The following RFX1 variants were observed in gnomAD, a reference collection of about 807,000 sequenced individuals.
The protein encoded by RFX1 is MHC class II regulatory factor RFX1.
In RFX1, 42 loss-of-function variants were observed where a neutral mutation model predicts 119.6. The ratio of observed to expected loss-of-function variants is 0.35; its 90% CI spans 0.27 to 0.45. The LOEUF is 0.45. RFX1 is among the 20% of genes least tolerant of loss of function. The pLI is 1.00. For missense variants in RFX1, 1,118 were observed against 1,368.1 expected, an observed-to-expected ratio of 0.82 and a Z score of 2.88; for synonymous variants, 628 against 618.5, an observed-to-expected ratio of 1.02 and a Z score of -0.23.
chr19:14,002,799 G>A (rs995897162), intron 1 of RFX1, among the ~76,000 whole-genome samples: 11 of 152,176 alleles, frequency 7.2e-5, no homozygotes, highest in East Asian at 1.9e-4. Flanking sequence ...GCATCTCTGC[G>A]GGCGGGGCAG....
chr19:13,978,358 A>C (rs562156203), intron 7 of RFX1, among the ~76,000 whole-genome samples: 2 of 152,050 alleles, frequency 1.3e-5, no homozygotes, highest in East Asian at 3.9e-4. Context: ...AGGGTCCTGT[A>C]GTGGGCGTGA....
At chr19:13,977,067 C>CG (rs1974273688) in intron 8 of RFX1, among the ~76,000 whole-genome samples, 1 of 151,858 alleles carries the variant, frequency 6.6e-6, no homozygotes, top group Admixed American at 6.6e-5. Context: ...GAGGCTGAGA[C>CG]GGGTGGATCA....
chr19:13,968,948 C>A lies in RFX1; in HGVS notation c.1497-54G>T, dbSNP rs1178698609. ...GGCTGGGGGTCTGCCGGCTGGCCGG[C>A]CATGGAGCACCTCACAGCACACCCG... On this transcript the variant is annotated intron_variant, in intron 10 of 20. Transcript: ENST00000254325. The surrounding 1 kb of genome is among the most constrained non-coding windows in gnomAD (Gnocchi z 5.5). The A allele has an allele frequency of 6.5e-7, 1 of 1,528,102 alleles. No homozygotes were observed. The highest frequency in any genetic ancestry group is 2.5e-5 in the East Asian group (1 of 40,764). 94.7% of individuals were successfully genotyped at this position (1,528,102 alleles called of 1,614,324 possible).
chr19:13,993,770 G>C lies in RFX1; in HGVS notation c.74C>G (p.Ala25Gly). ...TGGTGGCGGTGGCGGCTGGGGCTGG[G>C]CTTGTGGCGGGGCCTGTGGCGGCTG... The part of the protein sequence containing the change: ...PSQPPQAPPQ[A>G]QPQPPPPPPP... Residue 25 changes from alanine (A) to glycine (G), a missense_variant, in exon 2 of 21, where the codon GCC becomes GGC. Coordinates refer to ENST00000254325, the MANE Select transcript of RFX1 (RefSeq NM_002918.5). The C allele has an allele frequency of 6.2e-7, 1 of 1,601,612 alleles. No individual in the cohort carries two copies. The highest frequency in any genetic ancestry group is 8.5e-7 in the Non-Finnish European group (1 of 1,174,762).
At chr19:13,984,597 A>G (rs533830186) in intron 2 of RFX1, among the ~76,000 whole-genome samples, 2 of 152,140 alleles carry the variant, frequency 1.3e-5, no homozygotes, top group South Asian at 4.1e-4. Context: ...CAGCTGGGAC[A>G]CCATCCATCC....
In RFX1 at chr19:13,983,257, T is replaced by G; in HGVS notation, c.443A>C (p.Gln148Pro). 1 of 1,562,034 alleles carries G rather than the reference T, an allele frequency of 6.4e-7. No homozygotes were observed. The highest frequency in any genetic ancestry group is 8.6e-7 in the Non-Finnish European group (1 of 1,158,606). ...VQGTQQRLLV[Q>P]TSVQAKPGHV... ...GCCTGGCTTGGCCTGCACGCTCGTC[T>G]GGACCAGCAGCCGCTGTGGAGACAA... is the stretch of plus-strand genomic sequence containing the variant. Residue 148 changes from glutamine to proline, a missense_variant, in exon 4 of 21, where the codon CAG (glutamine) becomes CCG (proline). This residue lies in a region of RFX1 where 542 missense variants were observed against 602.7 expected (regional missense o/e 0.90). Transcript: ENST00000254325.
intron 2 of RFX1, among the ~76,000 whole-genome samples, chr19:13,991,850 T>TG (rs1427193159): frequency 2.6e-5 from 4 of 152,012 alleles, no homozygotes; most frequent in Admixed American, 1.3e-4. Context: ...TTAGTATAGA[T>TG]GGGGTCTCAC....
intron 1 of RFX1, among the ~76,000 whole-genome samples, chr19:13,999,161 T>C (rs1391840087): frequency 6.6e-6 from 1 of 152,188 alleles, no homozygotes; most frequent in African/African-American, 2.4e-5. Flanking sequence ...AAATCACATA[T>C]ACATACATAG....
intron 2 of RFX1, among the ~76,000 whole-genome samples, chr19:13,991,840 TTAG>T (rs1408831084): frequency 6.6e-6 from 1 of 152,088 alleles, no homozygotes; most frequent in African/African-American, 2.4e-5. Flanking sequence ...TTTTATATTT[TTAG>T]TATAGATGGG....
At position 13,965,835 on chromosome 19, in the gene RFX1, G is replaced by A. The variant is rs113213222; in HGVS notation, c.1962-58C>T. 98 of 1,578,664 alleles carry A rather than the reference G, an allele frequency of 6.2e-5. No homozygotes were observed. The African/African-American group carries it at 1.1e-3, about 18-fold the overall frequency. ...GGTACTCTATGGTCCTGCCCCCATC[G>A]TCAGAAGGGAACAGGTAGCCCCTGT... On this transcript the variant is annotated intron_variant, in intron 14 of 20. Coordinates refer to ENST00000254325, the MANE Select transcript of RFX1 (RefSeq NM_002918.5). The surrounding 1 kb of genome is among the most constrained non-coding windows in gnomAD (Gnocchi z 4.7).
At position 13,993,840 on chromosome 19, in the gene RFX1, C is replaced by T; in HGVS notation, c.4G>A (p.Ala2Thr). The T allele has an allele frequency of 3.2e-6, 5 of 1,543,272 alleles. No individual in the cohort carries two copies. The highest frequency in any genetic ancestry group is 4.3e-6 in the Non-Finnish European group (5 of 1,153,104). MATQAYTELQAA... is the reference protein window; with the variant it reads MTTQAYTELQAA... ...TGTAGCTCAGTATACGCCTGTGTTG[C>T]CATGCCAACGGTGGGGAAAATGATA... The change falls in exon 2 of 21, where the codon GCA becomes ACA. Residue 2 changes from alanine (A) to threonine (T), a missense_variant. Ala to Thr is a moderately conservative substitution (Grantham distance 58). Around this residue, in one of 5 missense-constraint regions of RFX1, gnomAD observed 542 missense variants for 602.7 expected, o/e 0.90. Transcript: ENST00000254325.
rs1442854708 is a variant in RFX1, at chr19:13,985,873, G to C, written c.320-2278C>G. Among the ~76,000 whole-genome samples the C allele has an allele frequency of 6.6e-6, 1 of 152,084 alleles. No individual in the cohort carries two copies. The highest frequency in any genetic ancestry group is 1.5e-5 in the Non-Finnish European group (1 of 68,010). On this transcript the variant is annotated intron_variant, in intron 2 of 20. Coordinates refer to ENST00000254325, the MANE Select transcript of RFX1 (RefSeq NM_002918.5). The surrounding 1 kb of genome is among the most constrained non-coding windows in gnomAD (Gnocchi z 4.3). Reference sequence around the variant, plus strand: ...GGGCAGAGCGCAGGAGTGTGTGTTGGGGGCGGGGGTTGCCAGATGTGGGAG... The same window carrying C: ...GGGCAGAGCGCAGGAGTGTGTGTTGCGGGCGGGGGTTGCCAGATGTGGGAG...
intron 1 of RFX1, chr19:13,998,382 G>T (rs1317567363): frequency 6.6e-6 from 1 of 151,986 alleles, no homozygotes; most frequent in Non-Finnish European, 1.5e-5. Flanking sequence ...TATTCGGGAG[G>T]CTGAGGCAGA....
intron 2 of RFX1, among the ~76,000 whole-genome samples, chr19:13,987,434 C>T (rs1451544085): frequency 1.3e-5 from 2 of 152,154 alleles, no homozygotes; most frequent in Non-Finnish European, 2.9e-5. Context: ...GTCCAGGCCC[C>T]TCCCTTCCTC....
rs1180772930 is a variant in RFX1 at position 13,966,923 on chromosome 19, C to T, written c.1733-172G>A. Among the ~76,000 whole-genome samples the T allele has an allele frequency of 1.3e-5, 2 of 152,172 alleles. No homozygotes were observed. Among genetic ancestry groups the T allele is most frequent in the Non-Finnish European group, 2.9e-5 (2 of 68,006 alleles). On this transcript the variant is annotated intron_variant, in intron 12 of 20. Transcript: ENST00000254325. The surrounding 1 kb of genome is among the most constrained non-coding windows in gnomAD (Gnocchi z 6.3). The stretch of plus-strand genomic sequence containing the variant: ...CCAGGACGGGCCCAGGAGTGAGGGC[C>T]CACACTCCTCTGGCAGAGAGGACAG...
chr19:13,962,774 G>C lies in RFX1; in HGVS notation c.2861C>G (p.Pro954Arg), dbSNP rs753821927. The change falls in exon 21 of 21, where the codon CCG becomes CGG. Residue 954 changes from proline to arginine, a missense_variant. By Grantham distance (103) the Pro-to-Arg change is moderately radical (BLOSUM62 -2). Transcript: ENST00000254325. The stretch of plus-strand genomic sequence containing the variant: ...CTTGGCCGGCGGCTCCAGGGTCTCC[G>C]GGCCCAGCGCGGGTGACTCGCCGCC... ...AAGGESPALG[P>R]ETLEPPAKLA... 6.5e-7 allele frequency: 1 copy of C among 1,530,666 alleles called. No homozygotes were observed. The highest frequency in any genetic ancestry group is 1.2e-5 in the South Asian group (1 of 83,456). 94.8% of individuals were successfully genotyped at this position (1,530,666 alleles called of 1,614,324 possible).
At position 13,980,017 on chromosome 19, in the gene RFX1, G is replaced by A. The variant is rs1003447946; in HGVS notation, c.739-475C>T. ...GGGGGGGCTCTAGTGCCAGGCGGGG[G>A]AGTATCTGTGAAACCTCTGGGACAG... On this transcript the variant is annotated intron_variant, in intron 6 of 20. Coordinates refer to ENST00000254325, the MANE Select transcript of RFX1 (RefSeq NM_002918.5). The surrounding 1 kb of genome is among the most constrained non-coding windows in gnomAD (Gnocchi z 5.1). Among the ~76,000 whole-genome samples, 2 of 152,066 alleles carry A rather than the reference G, an allele frequency of 1.3e-5. No homozygotes were observed. The highest frequency in any genetic ancestry group is 1.3e-4 in the Admixed American group (2 of 15,258).
At chr19:13,984,639 G>A (rs1001123465) in intron 2 of RFX1, among the ~76,000 whole-genome samples, 2 of 152,132 alleles carry the variant, frequency 1.3e-5, no homozygotes, top group Non-Finnish European at 2.9e-5. Context: ...CATACCCCCA[G>A]CAGCTCCAGA....
Position 13,980,659 on chromosome 19 carries a change from T to C in RFX1, c.652A>G (p.Ser218Gly). The change falls in exon 6 of 21, where the codon AGC (serine) becomes GGC (glycine). Residue 218 changes from serine (S) to glycine (G), a missense_variant. Transcript: ENST00000254325. This position sits in a 1 kb window ranked among gnomAD's most constrained non-coding sequence, Gnocchi z 5.1. ...QSPVQANSSS[S>G]KTAGAPTGTV... ...CCCGTGGGGGCCCCGGCTGTCTTGC[T>C]GGAAGAGCTGTTGGCCTGCACCGGC... 1 of 1,593,230 alleles carries C rather than the reference T, an allele frequency of 6.3e-7. No homozygotes were observed. The highest frequency in any genetic ancestry group is 8.5e-7 in the Non-Finnish European group (1 of 1,175,514).
Sources: allele counts gnomAD v4.1 joint callset (sites outside exome capture counted in the v4.1 genomes callset), GRCh38; gene constraint gnomAD v4.1.1; regional missense constraint gnomAD v4.1.1; non-coding constraint Gnocchi (gnomAD v3.1); transcripts MANE v1.5; gene names NCBI Gene and HGNC (gene_info 2026-07-23, HGNC 2026-07-21).